The following DCT variants were observed in gnomAD, a reference collection of about 807,000 sequenced individuals.
DCT encodes dopachrome tautomerase, also known as L-dopachrome tautomerase.
DCT carries 47 observed loss-of-function variants against 53.0 expected under a neutral mutation model. The observed-to-expected ratio is 0.89, with a 90% CI of 0.70 to 1.13. The LOEUF (loss-of-function observed/expected upper bound fraction) is 1.13. Ranked by LOEUF, DCT falls within the 50% of genes most tolerant of loss-of-function variation. DCT has a pLI of 0.00. For missense variants in DCT, 669 were observed against 637.4 expected (o/e 1.05, Z -0.53); for synonymous variants, 244 against 237.0 (o/e 1.03, Z -0.27).
chr13:94,469,528 G>A (rs376177980), intron 1 of DCT, among the ~76,000 whole-genome samples: 281 of 152,266 alleles, frequency 1.8e-3, no homozygotes, highest in African/African-American at 6.4e-3. Context: ...ACAGCCCTCA[G>A]AGGAAACCAA....
the DCT span, among the ~76,000 whole-genome samples, chr13:94,533,123 A>G: frequency 6.6e-6 from 1 of 151,802 alleles, no homozygotes; most frequent in African/African-American, 2.4e-5. Context: ...ACACCATAGG[A>G]AAAGTAACCA....
At position 94,465,672 on chromosome 13, in the gene DCT, C is replaced by T. The variant is rs34139115; in HGVS notation, c.824G>A (p.Arg275Gln). The T allele has an allele frequency of 2.0e-3, 3,223 of 1,613,386 alleles. 52 individuals carry two copies. In the African/African-American group the frequency reaches 0.038, roughly 19 times the overall value. ...ARPDDPTLIS[R>Q]NSRFSSWETV... ...TTCCCAGCTGGAGAATCTTGAGTTCCGACTAATCAGAGTCGGATCGTCTGG... is the reference window on the plus strand; with the variant it reads ...TTCCCAGCTGGAGAATCTTGAGTTCTGACTAATCAGAGTCGGATCGTCTGG... The change falls in exon 4 of 8, where the codon CGG becomes CAG. Residue 275 changes from arginine to glutamine, a missense_variant. Coordinates refer to ENST00000377028, the MANE Select transcript of DCT (RefSeq NM_001922.5).
chr13:94,497,784 G>A, the DCT span, among the ~76,000 whole-genome samples: 1 of 151,968 alleles, frequency 6.6e-6, no homozygotes, highest in African/African-American at 2.4e-5. Flanking sequence ...GGCAGGAGAG[G>A]CAGGCATGCT....
the DCT span, among the ~76,000 whole-genome samples, chr13:94,547,984 A>AAAAAAAAAAAAATATAT: frequency 1.5e-5 from 1 of 65,844 alleles, no homozygotes; most frequent in African/African-American, 1.3e-4. Context: ...AAAAAAAAAA[A>AAAAAAAAAAAAATATAT]ATATATATAT....
the DCT span, among the ~76,000 whole-genome samples, chr13:94,488,790 T>TACACAC: frequency 6.7e-6 from 1 of 149,878 alleles, no homozygotes; most frequent in Non-Finnish European, 1.5e-5. Context: ...TACATACATA[T>TACACAC]ACACACACAT....
intron 1 of DCT, among the ~76,000 whole-genome samples, chr13:94,478,751 T>G (rs1031140872): frequency 6.6e-6 from 1 of 152,254 alleles, no homozygotes; most frequent in Non-Finnish European, 1.5e-5. Context: ...CACGCCATAT[T>G]TATTTAGTCT....
Position 94,443,630 on chromosome 13 carries a change from T to A in DCT, c.1187A>T (p.His396Leu). 1 of 1,613,330 alleles carries A rather than the reference T, an allele frequency of 6.2e-7. No individual in the cohort carries two copies. Among genetic ancestry groups the A allele is most frequent in the South Asian group, 1.1e-5 (1 of 91,060 alleles). ...ATCAAAGATGGCATCAGTAAAGGAATGAAGAACCTGCAAAACAGTTGGACA... is the reference window on the plus strand; with the variant it reads ...ATCAAAGATGGCATCAGTAAAGGAAAGAAGAACCTGCAAAACAGTTGGACA... ...AANDPIFVVL[H>L]SFTDAIFDEW... Residue 396 changes from histidine to leucine, a missense_variant, in exon 7 of 8, where the codon CAT (histidine) becomes CTT (leucine). Transcript: ENST00000377028.
chr13:94,464,129 TG>T (rs1177023307), intron 4 of DCT, among the ~76,000 whole-genome samples: 1 of 152,218 alleles, frequency 6.6e-6, no homozygotes, highest in Non-Finnish European at 1.5e-5. Context: ...GCACTGATGA[TG>T]TCCCTGCTCG....
chr13:94,460,658 G>A (rs924677617), intron 5 of DCT, among the ~76,000 whole-genome samples: 3 of 152,036 alleles, frequency 2.0e-5, no homozygotes, highest in South Asian at 2.1e-4. Context: ...TACTCAGGAG[G>A]CTGAGGTAGG....
chr13:94,449,184 C>T (rs1457423844), intron 6 of DCT, among the ~76,000 whole-genome samples: 1 of 151,672 alleles, frequency 6.6e-6, no homozygotes, highest in African/African-American at 2.4e-5. Context: ...GTAACCCATG[C>T]AGGAGAAAGT....
At chr13:94,450,963 T>C (rs1883040680) in intron 6 of DCT, among the ~76,000 whole-genome samples, 1 of 152,222 alleles carries the variant, frequency 6.6e-6, no homozygotes, top group Non-Finnish European at 1.5e-5. Context: ...GGTTTAGTTC[T>C]TCTCAATATA....
intron 7 of DCT, among the ~76,000 whole-genome samples, chr13:94,443,030 G>A (rs41306041): frequency 1.2e-4 from 18 of 152,096 alleles, no homozygotes; most frequent in Non-Finnish European, 1.2e-4. Flanking sequence ...TGCCCTCAAG[G>A]AATAATCTCT....
At chr13:94,509,229 G>A in the DCT span, among the ~76,000 whole-genome samples, 1 of 152,310 alleles carries the variant, frequency 6.6e-6, no homozygotes, top group Non-Finnish European at 1.5e-5. Context: ...TTAACTTTGT[G>A]AACTTTTCTC....
chr13:94,450,886 T>G (rs922428449), intron 6 of DCT, among the ~76,000 whole-genome samples: 4 of 152,176 alleles, frequency 2.6e-5, no homozygotes. Context: ...CCATCTTAGA[T>G]TTGTATGTAA....
chr13:94,539,012 C>T, the DCT span, among the ~76,000 whole-genome samples: 6 of 152,134 alleles, frequency 3.9e-5, no homozygotes, highest in Admixed American at 1.3e-4. Context: ...CTTTCAGTCC[C>T]GACCACCACC....
the DCT span, among the ~76,000 whole-genome samples, chr13:94,540,976 T>C: frequency 6.6e-6 from 1 of 152,232 alleles, no homozygotes; most frequent in Admixed American, 6.5e-5. Context: ...GATGAGATCC[T>C]GTCATTTGCA....
At chr13:94,541,448 G>A in the DCT span, among the ~76,000 whole-genome samples, 458 of 151,680 alleles carry the variant, frequency 3.0e-3, 1 homozygote, top group African/African-American at 0.011. Context: ...AGGTTGCAGT[G>A]AGCTGAGATC....
chr13:94,520,402 G>A, the DCT span, among the ~76,000 whole-genome samples: 1 of 152,304 alleles, frequency 6.6e-6, no homozygotes, highest in African/African-American at 2.4e-5. Context: ...GGCAGAAATT[G>A]AGAAAGGGTA....
At chr13:94,536,129 C>G in the DCT span, among the ~76,000 whole-genome samples, 1 of 152,082 alleles carries the variant, frequency 6.6e-6, no homozygotes, top group Non-Finnish European at 1.5e-5. Flanking sequence ...ATTTAAGGTC[C>G]AGGAGACAAA....
Sources: gnomAD v4.1 joint callset for allele counts (sites outside exome capture counted in the v4.1 genomes callset) on GRCh38, gnomAD v4.1.1 for gene constraint, MANE v1.5 for transcripts, NCBI Gene and HGNC (gene_info 2026-07-23, HGNC 2026-07-21) for gene names.